The following CLEC2A variants were observed in gnomAD, a reference collection of about 807,000 sequenced individuals.
CLEC2A encodes C-type lectin domain family 2 member A.
In CLEC2A, 19 loss-of-function variants were observed where a neutral mutation model predicts 18.6. The observed-to-expected ratio is 1.02, with a 90% CI of 0.71 to 1.50. CLEC2A has a LOEUF of 1.50. Ranked by LOEUF, CLEC2A falls within the 40% of genes most tolerant of loss-of-function variation. The probability of loss-of-function intolerance (pLI) is 0.00; values close to 1 mark genes in which losing one functional copy is unlikely to be tolerated. For missense variants in CLEC2A, 190 were observed against 207.9 expected (o/e 0.91, Z 0.53); for synonymous variants, 74 against 64.0 (o/e 1.16, Z -0.75).
At chr12:9,926,702 T>C (rs1863278588) in intron 1 of CLEC2A, among the ~76,000 whole-genome samples, 1 of 152,068 alleles carries the variant, frequency 6.6e-6, no homozygotes, top group African/African-American at 2.4e-5. Context: ...CAAATGTTTA[T>C]AACAGATATA....
At chr12:9,907,172 C>T (rs111482351) in intron 4 of CLEC2A, among the ~76,000 whole-genome samples, 229 of 152,208 alleles carry the variant, frequency 1.5e-3, no homozygotes, top group African/African-American at 5.3e-3. Flanking sequence ...CTGTGGCTTC[C>T]GTGTTCCTGG....
chr12:9,886,526 G>A, the CLEC2A span, among the ~76,000 whole-genome samples: 3 of 151,782 alleles, frequency 2.0e-5, no homozygotes, highest in South Asian at 6.2e-4. Flanking sequence ...TCATGGTTAA[G>A]CTAAGGCAGG....
chr12:9,931,181 C>T (rs980461796), intron 1 of CLEC2A, among the ~76,000 whole-genome samples: 1 of 152,128 alleles, frequency 6.6e-6, no homozygotes, highest in African/African-American at 2.4e-5. Flanking sequence ...TTTTTACTCT[C>T]TAAACTCTTA....
chr12:9,895,552 T>A, downstream of CLEC2A: 1 of 718,576 alleles, frequency 1.4e-6, no homozygotes, highest in Non-Finnish European at 2.2e-6. Context: ...GCATTAGCAA[T>A]GAAAATTCCA....
intron 4 of CLEC2A, among the ~76,000 whole-genome samples, chr12:9,914,601 C>T (rs770610060): frequency 6.6e-6 from 1 of 152,270 alleles, no homozygotes; most frequent in Non-Finnish European, 1.5e-5. Context: ...CTGACAAAAA[C>T]AAGCAATGGG....
At chr12:9,884,895 A>G in the CLEC2A span, 14,446 of 641,782 alleles carry the variant, frequency 0.023, 224 homozygotes, top group Middle Eastern at 0.049. Context: ...ATATTTATAA[A>G]GTGAATAATC....
At chr12:9,914,520 A>T (rs1227393255) in intron 4 of CLEC2A, among the ~76,000 whole-genome samples, 1 of 152,244 alleles carries the variant, frequency 6.6e-6, no homozygotes, top group Non-Finnish European at 1.5e-5. Context: ...ACAGACATAC[A>T]GACCAATGGA....
chr12:9,927,597 T>C (rs1158273021), intron 1 of CLEC2A, among the ~76,000 whole-genome samples: 2 of 152,176 alleles, frequency 1.3e-5, no homozygotes, highest in Non-Finnish European at 2.9e-5. Context: ...AAAGAAGTCA[T>C]GTTTTCTCTC....
chr12:9,885,081 T>A, the CLEC2A span: 3 of 634,246 alleles, frequency 4.7e-6, no homozygotes, highest in Non-Finnish European at 6.9e-6. Flanking sequence ...AGATAAATGT[T>A]GATCCTTCAT....
intron 1 of CLEC2A, among the ~76,000 whole-genome samples, chr12:9,927,503 T>C (rs2137055432): frequency 6.6e-6 from 1 of 152,320 alleles, no homozygotes; most frequent in East Asian, 1.9e-4. Context: ...ATATATATGC[T>C]TTATATGTAT....
intron 4 of CLEC2A, among the ~76,000 whole-genome samples, chr12:9,914,384 A>G (rs982110523): frequency 4.6e-5 from 7 of 152,214 alleles, no homozygotes; most frequent in African/African-American, 1.7e-4. Context: ...ATATGAAACC[A>G]AAAAAGAGCC....
At position 9,916,638 on chromosome 12, in the gene CLEC2A, G is replaced by T; in HGVS notation, c.410+62C>A. The T allele has an allele frequency of 3.7e-6, 4 of 1,068,064 alleles. No individual in the cohort carries two copies. In the South Asian group the frequency reaches 5.5e-5, roughly 15 times the overall value. 66.2% of individuals were successfully genotyped at this position (1,068,064 alleles called of 1,614,324 possible). A position where few individuals can be genotyped will look rare whatever the true frequency, so the allele number is the denominator to read the frequency against. Reference sequence around the variant, plus strand: ...TGTTTATAATAATACAACTCAAAATGATTTAAAATTTTTCATATGACACAC... The same window carrying T: ...TGTTTATAATAATACAACTCAAAATTATTTAAAATTTTTCATATGACACAC... On this transcript the variant is annotated intron_variant, in intron 4 of 4. Transcript: ENST00000455827.
At chr12:9,879,330 C>T in the CLEC2A span, among the ~76,000 whole-genome samples, 89 of 152,264 alleles carry the variant, frequency 5.8e-4, 1 homozygote, top group East Asian at 0.01. Flanking sequence ...CAAAGCTCTT[C>T]GCAGACCAGG....
chr12:9,894,544 T>G (rs891542674), downstream of CLEC2A, among the ~76,000 whole-genome samples: 3 of 152,218 alleles, frequency 2.0e-5, no homozygotes, highest in Admixed American at 6.5e-5. Context: ...TGTTCTTATG[T>G]GAACAACATG....
chr12:9,897,240 AC>A (rs1349201933), downstream of CLEC2A, among the ~76,000 whole-genome samples: 1 of 152,146 alleles, frequency 6.6e-6, no homozygotes, highest in East Asian at 1.9e-4. Flanking sequence ...GAACTTATTC[AC>A]CTTGCGTAAA....
chr12:9,893,405 A>C, the CLEC2A span: 1 of 1,109,864 alleles, frequency 9.0e-7, no homozygotes, highest in Non-Finnish European at 1.3e-6. Context: ...AAATGAATGA[A>C]TAAATGCACT....
chr12:9,900,584 C>G (rs572378504), intron 4 of CLEC2A, among the ~76,000 whole-genome samples: 2 of 152,128 alleles, frequency 1.3e-5, no homozygotes, highest in Non-Finnish European at 2.9e-5. Flanking sequence ...CAGATAAGAC[C>G]TTTTAAAGCC....
At chr12:9,902,525 G>A (rs542333691) in intron 4 of CLEC2A, among the ~76,000 whole-genome samples, 79 of 152,010 alleles carry the variant, frequency 5.2e-4, no homozygotes, top group African/African-American at 1.4e-3. Context: ...GAGCCACTGC[G>A]CCCAGCTGGT....
At chr12:9,921,166 G>A (rs953615240) in intron 3 of CLEC2A, among the ~76,000 whole-genome samples, 1 of 152,276 alleles carries the variant, frequency 6.6e-6, no homozygotes, top group Admixed American at 6.5e-5. Flanking sequence ...GATTACATGA[G>A]ATTATATAGT....
Sources: gnomAD v4.1 joint callset for allele counts (sites outside exome capture counted in the v4.1 genomes callset) on GRCh38, gnomAD v4.1.1 for gene constraint, MANE v1.5 for transcripts, NCBI Gene and HGNC (gene_info 2026-07-23, HGNC 2026-07-21) for gene names.